Variants in SH3KBP1 observed in about 807,000 individuals in gnomAD.
The protein encoded by SH3KBP1 is SH3 domain containing kinase binding protein 1, also known as SH3 domain-containing kinase-binding protein 1.
A neutral mutation model predicts 50.1 loss-of-function variants in SH3KBP1; 8 were observed. The ratio of observed to expected loss-of-function variants is 0.16; its 90% CI spans 0.09 to 0.29. SH3KBP1 has a LOEUF of 0.29. Ranked by LOEUF, SH3KBP1 falls within the 10% of genes least tolerant of loss-of-function variation. The pLI, the probability that SH3KBP1 is intolerant of heterozygous loss-of-function variation, is 1.00. For missense variants in SH3KBP1, 377 were observed against 535.2 expected (o/e 0.70, Z 2.92); for synonymous variants, 227 against 218.6 (o/e 1.04, Z -0.34).
chrX:19,654,128 T>C (rs2062209861), intron 6 of SH3KBP1, among the ~76,000 whole-genome samples: 1 of 111,876 alleles, frequency 8.9e-6, no homozygotes, highest in African/African-American at 3.2e-5. Context: ...GGGACATGTG[T>C]GTCTGTGTGT....
At position 19,586,428 on chromosome X, in the gene SH3KBP1, A is replaced by G. The variant is rs183561703; in HGVS notation, c.1298+2215T>C. Among the ~76,000 whole-genome samples the G allele has an allele frequency of 8.2e-3, 923 of 112,472 alleles. 21 individuals are homozygous for G. Among genetic ancestry groups the G allele is most frequent in the Admixed American group, 0.079 (841 of 10,603 alleles). On this transcript the variant is annotated intron_variant, in intron 12 of 17. Coordinates refer to ENST00000397821, the MANE Select transcript of SH3KBP1 (RefSeq NM_031892.3). ...AGTGATGTGCAACCTTTGCTGCTCC[A>G]CATCTTCCCCATTTGTATAGCTCGT...
At chrX:19,740,173 AAC>A (rs1387102317) in intron 3 of SH3KBP1, among the ~76,000 whole-genome samples, 1 of 111,601 alleles carries the variant, frequency 9.0e-6, no homozygotes, top group Non-Finnish European at 1.9e-5. Flanking sequence ...GAAAAAGGGT[AAC>A]ACACACTCCA....
At chrX:19,789,719 CA>C (rs1309215783) in intron 2 of SH3KBP1, among the ~76,000 whole-genome samples, 2 of 108,939 alleles carry the variant, frequency 1.8e-5, no homozygotes, top group African/African-American at 6.7e-5. Context: ...TTATGAGGTA[CA>C]GGGGGGTTAG....
rs2066856015 is a variant in SH3KBP1 at position 19,594,964 on chromosome X, T to C, written c.1042A>G (p.Ile348Val). 1 of 1,203,586 alleles carries C rather than the reference T, an allele frequency of 8.3e-7. No individual in the cohort carries two copies. Among genetic ancestry groups the C allele is most frequent in the Non-Finnish European group, 1.1e-6 (1 of 888,054 alleles). ...KKPPPPSAPV[I>V]KQGAGTTERK... ...GGTACATTACCTGCCCCTTGTTTGATGACAGGAGCGGATGGAGGCGGTGGC... is the reference window on the plus strand; with the variant it reads ...GGTACATTACCTGCCCCTTGTTTGACGACAGGAGCGGATGGAGGCGGTGGC... Residue 348 changes from isoleucine to valine, a missense_variant, in exon 10 of 18, where the codon ATC becomes GTC. This residue lies in a region of SH3KBP1 where 257 missense variants were observed against 374.2 expected (regional missense o/e 0.69). Coordinates refer to ENST00000397821, the MANE Select transcript of SH3KBP1 (RefSeq NM_031892.3).
intron 1 of SH3KBP1, among the ~76,000 whole-genome samples, chrX:19,873,442 G>A (rs1181889275): frequency 1.5e-4 from 16 of 106,915 alleles, no homozygotes; most frequent in African/African-American, 5.1e-4. Context: ...AGGCCAAGGT[G>A]GGTGGATCAC....
chrX:19,864,857 A>C (rs770628927), intron 1 of SH3KBP1, among the ~76,000 whole-genome samples: 8 of 112,163 alleles, frequency 7.1e-5, no homozygotes, highest in Admixed American at 5.6e-4. Context: ...TAATGAAGTA[A>C]AACTCTCTAT....
chrX:19,668,840 TGA>T (rs1405748810), intron 6 of SH3KBP1, among the ~76,000 whole-genome samples: 1 of 67,923 alleles, frequency 1.5e-5, no homozygotes, highest in Non-Finnish European at 2.6e-5. Flanking sequence ...GGCGACAGGG[TGA>T]GACTGTGTCT....
intron 2 of SH3KBP1, among the ~76,000 whole-genome samples, chrX:19,802,292 G>A (rs2066916751): frequency 9.0e-6 from 1 of 111,079 alleles, no homozygotes; most frequent in African/African-American, 3.3e-5. Context: ...CTACTCGAGA[G>A]GCTGAGGCAC....
intron 6 of SH3KBP1, among the ~76,000 whole-genome samples, chrX:19,645,959 G>A (rs1324332512): frequency 9.0e-6 from 1 of 111,392 alleles, no homozygotes; most frequent in African/African-American, 3.3e-5. Flanking sequence ...TGGGCAGGCA[G>A]AAGTCAGGAT....
chrX:19,609,904 T>C (rs1394663179), intron 8 of SH3KBP1, among the ~76,000 whole-genome samples: 1 of 112,129 alleles, frequency 8.9e-6, no homozygotes, highest in Non-Finnish European at 1.9e-5. Flanking sequence ...GGCCTCTATC[T>C]GCCTAAACTC....
intron 3 of SH3KBP1, among the ~76,000 whole-genome samples, chrX:19,711,431 T>C (rs766361062): frequency 8.9e-6 from 1 of 111,902 alleles, no homozygotes; most frequent in East Asian, 2.8e-4. Context: ...AACTATATTT[T>C]AGAGCCTACA....
intron 15 of SH3KBP1, among the ~76,000 whole-genome samples, chrX:19,543,637 G>A (rs775392194): frequency 7.2e-5 from 8 of 111,618 alleles, no homozygotes; most frequent in African/African-American, 9.8e-5. Flanking sequence ...ATGCTCATGC[G>A]GAAGCCTCAG....
chrX:19,807,765 T>C (rs1173100271), intron 2 of SH3KBP1, among the ~76,000 whole-genome samples: 2 of 112,194 alleles, frequency 1.8e-5, no homozygotes, highest in East Asian at 2.8e-4. Flanking sequence ...GTAAGATACA[T>C]GTGTGTTTTG....
intron 12 of SH3KBP1, among the ~76,000 whole-genome samples, chrX:19,575,840 G>T (rs925303771): frequency 1.2e-4 from 14 of 112,203 alleles, no homozygotes; most frequent in African/African-American, 4.5e-4. Context: ...TGTGAAGCAT[G>T]TGTCTGGAGT....
In SH3KBP1 at chrX:19,592,085, T is replaced by G; in HGVS notation, c.1120A>C (p.Asn374His). The G allele has an allele frequency of 8.3e-7, 1 of 1,205,629 alleles. No homozygotes were observed. The change falls in exon 11 of 18, where the codon AAC (asparagine) becomes CAC (histidine). Residue 374 changes from asparagine (N) to histidine (H), a missense_variant. Physicochemically the swap from Asn to His is moderately conservative, Grantham distance 68. Coordinates refer to ENST00000397821, the MANE Select transcript of SH3KBP1 (RefSeq NM_031892.3). Reference sequence around the variant, plus strand: ...TTCATACCTTTTTCTTCTGTTCTGTTTGGAAGCATTTCTGGTCTTTCAGGA... The same window carrying G: ...TTCATACCTTTTTCTTCTGTTCTGTGTGGAAGCATTTCTGGTCTTTCAGGA... Reference protein sequence around the residue: ...IPPERPEMLPNRTEEKERPER... With the variant: ...IPPERPEMLPHRTEEKERPER...
intron 11 of SH3KBP1, among the ~76,000 whole-genome samples, chrX:19,590,908 C>T (rs906560244): frequency 3.9e-5 from 4 of 101,631 alleles, no homozygotes; most frequent in Non-Finnish European, 8.0e-5. Context: ...GTGATCCTCC[C>T]GCCTCAGCCT....
Position 19,759,826 on chromosome X carries a change from A to G in SH3KBP1, c.163-13385T>C, listed in dbSNP as rs1043976157. ...AATGCTAAACTGTACAATCAGCAGC[A>G]AATTCCTAAGTAATGAAGCATTTCA... On this transcript the variant is annotated intron_variant, in intron 2 of 17. Coordinates refer to ENST00000397821, the MANE Select transcript of SH3KBP1 (RefSeq NM_031892.3). Among the ~76,000 whole-genome samples the G allele has an allele frequency of 3.5e-4, 39 of 111,715 alleles. No homozygotes were observed. In the Admixed American group the frequency reaches 3.7e-3, roughly 11 times the overall value.
intron 9 of SH3KBP1, among the ~76,000 whole-genome samples, chrX:19,603,530 C>A (rs1334990570): frequency 1.8e-5 from 2 of 112,111 alleles, no homozygotes; most frequent in African/African-American, 6.5e-5. Flanking sequence ...GCTGAGCTCC[C>A]ACTGGGGAGC....
At chrX:19,827,647 A>C (rs918880946) in intron 2 of SH3KBP1, among the ~76,000 whole-genome samples, 5 of 111,036 alleles carry the variant, frequency 4.5e-5, no homozygotes, top group Non-Finnish European at 9.4e-5. Flanking sequence ...TCTGAGGGTA[A>C]GGTTTTAAAA....
Sources: gnomAD v4.1 joint callset for allele counts (sites outside exome capture counted in the v4.1 genomes callset) on GRCh38, gnomAD v4.1.1 for gene constraint, gnomAD v4.1.1 regional missense constraint, MANE v1.5 for transcripts, NCBI Gene and HGNC (gene_info 2026-07-23, HGNC 2026-07-21) for gene names.